SLC35F4: variants seen among roughly 807,000 people sequenced by gnomAD.
SLC35F4 encodes the protein chromosome 14 open reading frame 36.
In SLC35F4, 24 loss-of-function variants were observed where a neutral mutation model predicts 44.2. The observed-to-expected ratio is 0.54, with a 90% confidence interval of 0.39 to 0.76. SLC35F4 has a LOEUF of 0.76. Ranked by LOEUF, SLC35F4 falls within the 30% of genes least tolerant of loss-of-function variation. The pLI, the probability that SLC35F4 is intolerant of heterozygous loss-of-function variation, is 0.00. For missense variants in SLC35F4, 562 were observed against 586.1 expected, an observed-to-expected ratio of 0.96 and a Z score of 0.42; for synonymous variants, 238 against 223.6, an observed-to-expected ratio of 1.06 and a Z score of -0.57.
chr14:57,629,817 G>C, intron 1 of SLC35F4: 1 of 335,122 alleles, frequency 3.0e-6, no homozygotes. Flanking sequence ...CTGTAGACGA[G>C]AAGTGGGAGT....
At chr14:57,571,703 A>T (rs1371169372) in intron 5 of SLC35F4, among the ~76,000 whole-genome samples, 191 bp downstream of exon 5, 1 of 152,234 alleles carries the variant, frequency 6.6e-6, no homozygotes, top group Non-Finnish European at 1.5e-5. Context: ...TTTATGCCTC[A>T]TAAGGTTGTA....
chr14:57,623,193 C>T (rs546442728), intron 1 of SLC35F4, among the ~76,000 whole-genome samples: 25 of 152,162 alleles, frequency 1.6e-4, no homozygotes, highest in African/African-American at 6.0e-4. Context: ...ATTAAACCAA[C>T]AAAGATCAAA....
chr14:57,664,433 G>A (rs1464776153), intron 1 of SLC35F4, among the ~76,000 whole-genome samples: 6 of 152,138 alleles, frequency 3.9e-5, no homozygotes, highest in South Asian at 4.2e-4. Context: ...TTTTGAGACA[G>A]AGTCTCGCTC....
chr14:57,911,650 C>A (rs545485483), intron 1 of SLC35F4, among the ~76,000 whole-genome samples: 2 of 151,878 alleles, frequency 1.3e-5, no homozygotes, highest in East Asian at 1.9e-4. Context: ...ATCGTCATAG[C>A]GTATAATTCT....
intron 1 of SLC35F4, among the ~76,000 whole-genome samples, chr14:57,814,540 A>T (rs910647610): frequency 2.6e-5 from 4 of 152,248 alleles, no homozygotes; most frequent in African/African-American, 9.6e-5. Context: ...CAAAGAACTC[A>T]TTCCTAACAG....
At chr14:57,586,177 A>G (rs1332788365) in intron 3 of SLC35F4, among the ~76,000 whole-genome samples, 1 of 152,188 alleles carries the variant, frequency 6.6e-6, no homozygotes, top group Non-Finnish European at 1.5e-5. Flanking sequence ...AACACCACAC[A>G]TCTACAACCA....
intron 1 of SLC35F4, among the ~76,000 whole-genome samples, chr14:57,765,029 A>G (rs2077203513): frequency 1.3e-5 from 2 of 152,228 alleles, no homozygotes; most frequent in Non-Finnish European, 2.9e-5. Flanking sequence ...TTGAGTGCCA[A>G]CTTAATCTCA....
intron 1 of SLC35F4, among the ~76,000 whole-genome samples, chr14:57,680,219 A>G (rs2074847821): frequency 6.6e-6 from 1 of 152,140 alleles, no homozygotes; most frequent in Non-Finnish European, 1.5e-5. Context: ...CTGGTTCTAC[A>G]TTAGCAAATC....
At chr14:57,855,489 A>G (rs1886997486) in intron 1 of SLC35F4, among the ~76,000 whole-genome samples, 1 of 152,260 alleles carries the variant, frequency 6.6e-6, no homozygotes, top group South Asian at 2.1e-4. Flanking sequence ...CCACAATGAG[A>G]TAGCATCTCA....
At chr14:57,718,578 T>C (rs891741890) in intron 1 of SLC35F4, among the ~76,000 whole-genome samples, 1 of 152,246 alleles carries the variant, frequency 6.6e-6, no homozygotes, top group Non-Finnish European at 1.5e-5. Context: ...TTGATTTGCA[T>C]TTCTCTGATG....
chr14:57,756,198 C>T (rs1026708772), intron 1 of SLC35F4, among the ~76,000 whole-genome samples: 2 of 152,334 alleles, frequency 1.3e-5, no homozygotes, highest in South Asian at 4.1e-4. Context: ...TTAATATAAG[C>T]CTTTAATGCC....
intron 1 of SLC35F4, among the ~76,000 whole-genome samples, chr14:57,886,867 C>T (rs79017187): frequency 6.6e-6 from 1 of 152,136 alleles, no homozygotes; most frequent in Non-Finnish European, 1.5e-5. Context: ...ACAAGTTCAT[C>T]TAGGAAGTGT....
chr14:57,594,263 C>A lies in SLC35F4; in HGVS notation c.104-139G>T, dbSNP rs889833848. 4 of 820,748 alleles carry A rather than the reference C, an allele frequency of 4.9e-6. No individual in the cohort carries two copies. In the African/African-American group the frequency reaches 6.9e-5, roughly 14 times the overall value. The allele number at this position is 820,748 out of a possible 1,614,324, so 50.8% of individuals were successfully genotyped here. ...AGAGTGCAGTGGTGTGATCTCGAGT[C>A]ACTGCAGCCTCTGCCTCCCAGGTTC... On this transcript the variant is annotated intron_variant, in intron 1 of 7. Coordinates refer to ENST00000556826, the MANE Select transcript of SLC35F4 (RefSeq NM_001306087.2).
chr14:57,744,914 C>T (rs2076714893), intron 1 of SLC35F4, among the ~76,000 whole-genome samples: 1 of 152,166 alleles, frequency 6.6e-6, no homozygotes, highest in Admixed American at 6.5e-5. Context: ...TGGAACAGAA[C>T]ACAGCCCTCA....
At chr14:57,877,851 AT>A (rs1465103850) in intron 1 of SLC35F4, among the ~76,000 whole-genome samples, 1 of 151,168 alleles carries the variant, frequency 6.6e-6, no homozygotes, top group Non-Finnish European at 1.5e-5. Context: ...TACCTGGCTA[AT>A]TTTTGTATTT....
intron 1 of SLC35F4, among the ~76,000 whole-genome samples, chr14:57,822,680 G>A (rs183929307): frequency 2.6e-4 from 40 of 152,234 alleles, no homozygotes; most frequent in Admixed American, 1.1e-3. Context: ...CCTTAATACA[G>A]CTGACTATAA....
chr14:57,816,340 T>C (rs1882588286), intron 1 of SLC35F4, among the ~76,000 whole-genome samples: 1 of 152,182 alleles, frequency 6.6e-6, no homozygotes, highest in Non-Finnish European at 1.5e-5. Flanking sequence ...GTACTGCAAC[T>C]CAGGCACCAA....
At chr14:57,699,739 G>A (rs1266280787) in intron 1 of SLC35F4, among the ~76,000 whole-genome samples, 1 of 152,002 alleles carries the variant, frequency 6.6e-6, no homozygotes, top group Non-Finnish European at 1.5e-5. Flanking sequence ...CAACTAATAG[G>A]GAACAAACTG....
In SLC35F4 at chr14:57,959,465, G is replaced by T. The variant is rs895458806; in HGVS notation, n.282+22448C>A. On this transcript the variant is annotated intron_variant and non_coding_transcript_variant, in intron 1 of 1. Coordinates refer to the SLC35F4 transcript ENST00000556568. ...CTGAGGAAGATGGATTTAGCCCCGGGTTACAGAAAAGGAAATTGAGGTTCT... is the reference window on the plus strand; with the variant it reads ...CTGAGGAAGATGGATTTAGCCCCGGTTTACAGAAAAGGAAATTGAGGTTCT... 5.3e-5 allele frequency among the ~76,000 whole-genome samples: 8 copies of T among 152,126 alleles called. 1 individual carries two copies. In the Middle Eastern group the frequency reaches 9.5e-3, roughly 181 times the overall value.
Sources: gnomAD v4.1 joint callset for allele counts (sites outside exome capture counted in the v4.1 genomes callset) on GRCh38, gnomAD v4.1.1 for gene constraint, MANE v1.5 for transcripts, NCBI Gene and HGNC (gene_info 2026-07-23, HGNC 2026-07-21) for gene names.